ADCY2: variants seen among roughly 807,000 people sequenced by gnomAD.
ADCY2 encodes adenylate cyclase 2, also known as adenylate cyclase type 2.
Under a neutral mutation model 125.2 loss-of-function variants are expected in ADCY2, and 31 were observed. The observed-to-expected ratio is 0.25, with a 90% CI of 0.19 to 0.33. The LOEUF (loss-of-function observed/expected upper bound fraction) is 0.33, where lower values mean the gene tolerates loss of function less well. Among genes scored for constraint, ADCY2 ranks in the 10% least tolerant of loss-of-function variants. ADCY2 has a pLI of 1.00. For missense variants in ADCY2, 904 were observed against 1,418.2 expected, an observed-to-expected ratio of 0.64 and a Z score of 5.82; for synonymous variants, 512 against 548.4, an observed-to-expected ratio of 0.93 and a Z score of 0.93.
chr5:7,707,880 G>T (rs1207720591), intron 9 of ADCY2, 42 bp downstream of exon 9: 2 of 1,585,354 alleles, frequency 1.3e-6, no homozygotes, highest in South Asian at 2.3e-5. Context: ...AAGGGAGGAG[G>T]AGCAAATTAT....
At chr5:7,569,894 T>C (rs927996838) in intron 3 of ADCY2, among the ~76,000 whole-genome samples, 1 of 152,156 alleles carries the variant, frequency 6.6e-6, no homozygotes, top group Admixed American at 6.6e-5. Flanking sequence ...TACTCACACG[T>C]GTATGGGAAA....
chr5:7,743,552 G>A (rs1742506205), intron 14 of ADCY2, 116 bp from the exon 15 acceptor site: 1 of 857,142 alleles, frequency 1.2e-6, no homozygotes, highest in Admixed American at 2.3e-5. Flanking sequence ...AAAATTTAGT[G>A]AGGATTGCAG....
intron 2 of ADCY2, among the ~76,000 whole-genome samples, chr5:7,431,772 A>G (rs982904463): frequency 6.6e-6 from 1 of 152,190 alleles, no homozygotes; most frequent in Non-Finnish European, 1.5e-5. Context: ...AAACCTTCAA[A>G]AAATACTTTA....
At chr5:7,590,235 T>C (rs575573063) in intron 3 of ADCY2, among the ~76,000 whole-genome samples, 1 of 152,168 alleles carries the variant, frequency 6.6e-6, no homozygotes, top group African/African-American at 2.4e-5. Flanking sequence ...AATTTGGGAC[T>C]CTTGCAAAAA....
chr5:7,505,601 A>G (rs1356545162), intron 2 of ADCY2, among the ~76,000 whole-genome samples: 2 of 152,226 alleles, frequency 1.3e-5, no homozygotes, highest in East Asian at 1.9e-4. Context: ...AAAATAATTC[A>G]TGTTCGTAGC....
intron 2 of ADCY2, among the ~76,000 whole-genome samples, chr5:7,492,181 G>C (rs1743187460): frequency 1.3e-5 from 2 of 152,240 alleles, no homozygotes; most frequent in South Asian, 4.1e-4. Flanking sequence ...CACAAGGATG[G>C]AGGTGAGAAG....
At chr5:7,479,258 G>T (rs1234999557) in intron 2 of ADCY2, among the ~76,000 whole-genome samples, 1 of 152,038 alleles carries the variant, frequency 6.6e-6, no homozygotes, top group Non-Finnish European at 1.5e-5. Flanking sequence ...ATAAACCATG[G>T]TGTCGCAGAA....
chr5:7,421,325 G>C (rs1740195692), intron 2 of ADCY2, among the ~76,000 whole-genome samples: 1 of 152,202 alleles, frequency 6.6e-6, no homozygotes, highest in South Asian at 2.1e-4. Context: ...AGTGTCAGCA[G>C]GGCTGTATTC....
chr5:7,663,957 A>G (rs908482456), intron 4 of ADCY2, among the ~76,000 whole-genome samples: 3 of 152,152 alleles, frequency 2.0e-5, no homozygotes, highest in African/African-American at 7.2e-5. Context: ...CTGGAAGAGG[A>G]TTTCCGAAGT....
At chr5:7,586,817 A>G (rs55955890) in intron 3 of ADCY2, among the ~76,000 whole-genome samples, 22,551 of 152,044 alleles carry the variant, frequency 0.15, 2,224 homozygotes, top group South Asian at 0.22. Flanking sequence ...ATTTGAATGG[A>G]GCTCCTACAT....
intron 1 of ADCY2, among the ~76,000 whole-genome samples, chr5:7,397,684 G>A (rs1360541556): frequency 6.6e-6 from 1 of 151,962 alleles, no homozygotes; most frequent in Non-Finnish European, 1.5e-5. Context: ...GGGAAGAATT[G>A]TTACCATCAT....
intron 24 of ADCY2, among the ~76,000 whole-genome samples, chr5:7,825,937 C>A (rs1745462375): frequency 6.6e-6 from 1 of 152,224 alleles, no homozygotes. Flanking sequence ...AGGGCCTGGA[C>A]ATGGTTCAGC....
At chr5:7,807,262 T>C (rs1744785398) in intron 22 of ADCY2, among the ~76,000 whole-genome samples, 1 of 152,178 alleles carries the variant, frequency 6.6e-6, no homozygotes. Flanking sequence ...CCAGGTCTTT[T>C]CTCTTCCTTT....
intron 2 of ADCY2, among the ~76,000 whole-genome samples, chr5:7,426,883 T>C (rs1237249237): frequency 6.6e-6 from 1 of 152,028 alleles, no homozygotes; most frequent in African/African-American, 2.4e-5. Context: ...AGGCGCAGAA[T>C]TTAGGAGAGA....
At chr5:7,749,752 A>C (rs7447235) in intron 15 of ADCY2, 1 of 152,068 alleles carries the variant, frequency 6.6e-6, no homozygotes, top group African/African-American at 2.4e-5. Context: ...TTGTGCTTTC[A>C]ATAGCAGAGA....
Position 7,396,432 on chromosome 5 carries a change from C to T in ADCY2, c.136C>T (p.Leu46Phe). 3 of 1,580,222 alleles carry T rather than the reference C, an allele frequency of 1.9e-6. No homozygotes were observed. The highest frequency in any genetic ancestry group is 1.8e-5 in the Admixed American group (1 of 56,548). ...CTACTGCATGAGCCAGCAGCACCCG[C>T]TCATCGTCTTCCTGCTGCTCATCGT... ...SYYCMSQQHP[L>F]IVFLLLIVMG... The change falls in exon 1 of 25, where the codon CTC becomes TTC. Residue 46 changes from leucine to phenylalanine, a missense_variant. Physicochemically the swap from Leu to Phe is conservative, Grantham distance 22. Coordinates refer to ENST00000338316, the MANE Select transcript of ADCY2 (RefSeq NM_020546.3). The surrounding 1 kb of genome is among the most constrained non-coding windows in gnomAD (Gnocchi z 5.7).
At chr5:7,812,337 G>C (rs1744970366) in intron 22 of ADCY2, among the ~76,000 whole-genome samples, 2 of 152,142 alleles carry the variant, frequency 1.3e-5, no homozygotes, top group South Asian at 4.1e-4. Flanking sequence ...AAAACGGAAA[G>C]AAAATGAACT....
chr5:7,593,119 C>G (rs1365840619), intron 3 of ADCY2, among the ~76,000 whole-genome samples: 1 of 152,082 alleles, frequency 6.6e-6, no homozygotes, highest in Admixed American at 6.5e-5. Flanking sequence ...GCCCAGCGCC[C>G]TCTGGGGGAT....
rs2111426156 is a variant in ADCY2, at chr5:7,396,668, C to T, written c.210+162C>T. 6.6e-6 allele frequency among the ~76,000 whole-genome samples: 1 copy of T among 152,114 alleles called. No homozygotes were observed. The highest frequency in any genetic ancestry group is 1.5e-5 in the Non-Finnish European group (1 of 67,974). Reference sequence around the variant, plus strand: ...CGGCTCCCTGCTTCTCCTGCTGGCCCGCGGCCCGGTGGACTCTGGCAAGGG... The same window carrying T: ...CGGCTCCCTGCTTCTCCTGCTGGCCTGCGGCCCGGTGGACTCTGGCAAGGG... On this transcript the variant is annotated intron_variant, in intron 1 of 24. Coordinates refer to ENST00000338316, the MANE Select transcript of ADCY2 (RefSeq NM_020546.3). This position sits in a 1 kb window ranked among gnomAD's most constrained non-coding sequence, Gnocchi z 5.7.
Sources: allele counts gnomAD v4.1 joint callset (sites outside exome capture counted in the v4.1 genomes callset), GRCh38; gene constraint gnomAD v4.1.1; non-coding constraint Gnocchi (gnomAD v3.1); transcripts MANE v1.5; gene names NCBI Gene and HGNC (gene_info 2026-07-23, HGNC 2026-07-21).